The following CRPPA variants were observed in gnomAD, a reference collection of about 807,000 sequenced individuals.
CRPPA encodes the protein CDP-L-ribitol pyrophosphorylase A.
In CRPPA, 43 loss-of-function variants were observed where a neutral mutation model predicts 52.0. That is an observed-to-expected ratio of 0.83 (90% CI 0.65 to 1.07). The LOEUF is 1.07. Among genes scored for constraint, CRPPA ranks in the 50% least tolerant of loss-of-function variants. CRPPA has a pLI of 0.00. For missense variants in CRPPA, 629 were observed against 551.7 expected (o/e 1.14, Z -1.40); for synonymous variants, 250 against 203.5 (o/e 1.23, Z -1.94).
chr7:16,228,917 T>A (rs1479754445), intron 8 of CRPPA, among the ~76,000 whole-genome samples: 1 of 152,016 alleles, frequency 6.6e-6, no homozygotes, highest in African/African-American at 2.4e-5. Flanking sequence ...AATTATTGCA[T>A]TGCAGTTTTT....
intron 9 of CRPPA, among the ~76,000 whole-genome samples, chr7:16,165,438 C>G (rs1258393667): frequency 5.3e-5 from 8 of 152,062 alleles, no homozygotes; most frequent in African/African-American, 1.9e-4. Context: ...AGAAAGCAGC[C>G]ACATTTATAA....
intron 2 of CRPPA, among the ~76,000 whole-genome samples, chr7:16,376,998 C>A (rs1259086166): frequency 6.6e-6 from 1 of 152,134 alleles, no homozygotes; most frequent in Admixed American, 6.5e-5. Flanking sequence ...GTTAACCAAA[C>A]CTTATATTTA....
intron 6 of CRPPA, among the ~76,000 whole-genome samples, chr7:16,261,587 T>G (rs891969926): frequency 8.2e-5 from 11 of 134,872 alleles, no homozygotes; most frequent in Non-Finnish European, 1.3e-4. Context: ...GTTGGTTGTT[T>G]TGGAGCAATT....
intron 9 of CRPPA, among the ~76,000 whole-genome samples, chr7:16,155,474 C>T (rs1783160927): frequency 6.6e-6 from 1 of 152,172 alleles, no homozygotes; most frequent in African/African-American, 2.4e-5. Flanking sequence ...CTCTTGCCTC[C>T]CTTCTGCCTC....
intron 9 of CRPPA, among the ~76,000 whole-genome samples, chr7:16,121,562 G>A (rs766662176): frequency 9.9e-5 from 15 of 152,036 alleles, no homozygotes; most frequent in Non-Finnish European, 1.8e-4. Context: ...AAAGGTAGAA[G>A]TAAGCGTTCT....
At position 16,255,265 on chromosome 7, in the gene CRPPA, C is replaced by T. The variant is rs181984576; in HGVS notation, c.1119+3125G>A. Reference sequence around the variant, plus strand: ...TGAAAGAGCTCTTCAAGGAGAACTACAAACCACTGCTCAAGGAAATAAAAG... The same window carrying T: ...TGAAAGAGCTCTTCAAGGAGAACTATAAACCACTGCTCAAGGAAATAAAAG... On this transcript the variant is annotated intron_variant, in intron 8 of 9. Coordinates refer to ENST00000407010, the MANE Select transcript of CRPPA (RefSeq NM_001101426.4). Among the ~76,000 whole-genome samples the T allele has an allele frequency of 5.9e-5, 9 of 152,272 alleles. No individual in the cohort carries two copies. In the East Asian group the frequency reaches 1.7e-3, roughly 29 times the overall value.
chr7:16,267,716 A>T (rs1228718648), intron 6 of CRPPA, among the ~76,000 whole-genome samples: 1 of 152,214 alleles, frequency 6.6e-6, no homozygotes, highest in Non-Finnish European at 1.5e-5. Flanking sequence ...TTAAATGCAT[A>T]AAGTTTTTAT....
At chr7:16,158,245 C>T (rs952426690) in intron 9 of CRPPA, among the ~76,000 whole-genome samples, 2 of 151,952 alleles carry the variant, frequency 1.3e-5, no homozygotes, top group Non-Finnish European at 2.9e-5. Flanking sequence ...TATTATGAGG[C>T]CTTCTCTAAA....
chr7:16,255,581 G>C (rs1783615998), intron 8 of CRPPA, among the ~76,000 whole-genome samples: 1 of 152,054 alleles, frequency 6.6e-6, no homozygotes, highest in African/African-American at 2.4e-5. Context: ...ATGGTACTGG[G>C]TACCAAAACA....
chr7:16,104,759 G>A (rs1308233826), intron 9 of CRPPA, among the ~76,000 whole-genome samples: 2 of 152,048 alleles, frequency 1.3e-5, no homozygotes, highest in African/African-American at 4.8e-5. Flanking sequence ...AATTAGCCAG[G>A]CATGGTGGCG....
chr7:16,353,254 G>A (rs1038537267), intron 3 of CRPPA, among the ~76,000 whole-genome samples: 1 of 152,026 alleles, frequency 6.6e-6, no homozygotes, highest in Non-Finnish European at 1.5e-5. Context: ...TCAGGAGGCT[G>A]AGGTGAGAAA....
chr7:16,290,429 G>C (rs549586266), intron 5 of CRPPA, among the ~76,000 whole-genome samples: 1 of 151,912 alleles, frequency 6.6e-6, no homozygotes, highest in East Asian at 1.9e-4. Flanking sequence ...AACCAAAACA[G>C]TACAGCATTA....
intron 3 of CRPPA, among the ~76,000 whole-genome samples, chr7:16,335,462 A>G (rs1038900669): frequency 1.3e-5 from 2 of 152,236 alleles, no homozygotes; most frequent in Non-Finnish European, 2.9e-5. Flanking sequence ...AAAGAAATAG[A>G]AACAAAATCC....
At chr7:16,226,557 T>C (rs1782656709) in intron 8 of CRPPA, among the ~76,000 whole-genome samples, 1 of 152,066 alleles carries the variant, frequency 6.6e-6, no homozygotes, top group East Asian at 1.9e-4. Context: ...CCATATACTG[T>C]TACATTTAAA....
At chr7:16,122,463 A>G (rs975910559) in intron 9 of CRPPA, among the ~76,000 whole-genome samples, 5 of 152,094 alleles carry the variant, frequency 3.3e-5, no homozygotes, top group Admixed American at 6.5e-5. Flanking sequence ...AAGACAATTA[A>G]AAGTCAACAT....
At chr7:16,108,843 A>T (rs1782204936) in intron 9 of CRPPA, among the ~76,000 whole-genome samples, 1 of 151,958 alleles carries the variant, frequency 6.6e-6, no homozygotes. Context: ...AAAATTAAAC[A>T]ACATGCTACT....
chr7:16,397,124 T>G (rs776263477), intron 2 of CRPPA, among the ~76,000 whole-genome samples: 2 of 152,198 alleles, frequency 1.3e-5, no homozygotes, highest in Non-Finnish European at 2.9e-5. Context: ...GACACACAAC[T>G]GACAAGTTAG....
intron 8 of CRPPA, among the ~76,000 whole-genome samples, chr7:16,258,167 T>G (rs1217367055): frequency 6.6e-6 from 1 of 152,130 alleles, no homozygotes; most frequent in Non-Finnish European, 1.5e-5. Context: ...GTTGCTGGGT[T>G]GAAAAAGATT....
chr7:16,141,386 T>A (rs1357157098), intron 9 of CRPPA, among the ~76,000 whole-genome samples: 1 of 152,230 alleles, frequency 6.6e-6, no homozygotes, highest in Non-Finnish European at 1.5e-5. Context: ...ATTTTTTCCA[T>A]CTATTCTTCT....
Sources: allele counts gnomAD v4.1 joint callset (sites outside exome capture counted in the v4.1 genomes callset), GRCh38; gene constraint gnomAD v4.1.1; transcripts MANE v1.5; gene names NCBI Gene and HGNC (gene_info 2026-07-23, HGNC 2026-07-21).